Variants in AGBL4 observed in about 807,000 individuals in gnomAD.
The protein encoded by AGBL4 is AGBL carboxypeptidase 4, also known as cytosolic carboxypeptidase 6.
AGBL4 carries 58 observed loss-of-function variants against 66.4 expected under a neutral mutation model. That is an observed-to-expected ratio of 0.87 (90% CI 0.71 to 1.09). The LOEUF (loss-of-function observed/expected upper bound fraction) is 1.09. Among genes scored for constraint, AGBL4 ranks in the 50% least tolerant of loss-of-function variants. The pLI is 0.00. For missense variants in AGBL4, 579 were observed against 631.0 expected (o/e 0.92, Z 0.88); for synonymous variants, 234 against 222.9 (o/e 1.05, Z -0.44).
chr1:49,713,876 A>G (rs1208501440), intron 2 of AGBL4, among the ~76,000 whole-genome samples: 1 of 151,898 alleles, frequency 6.6e-6, no homozygotes, highest in Non-Finnish European at 1.5e-5. Context: ...GGGATCTCCT[A>G]CCTCAGCCTA....
intron 4 of AGBL4, among the ~76,000 whole-genome samples, chr1:49,157,874 T>C (rs1363605757): frequency 6.6e-6 from 1 of 152,252 alleles, no homozygotes; most frequent in Non-Finnish European, 1.5e-5. Flanking sequence ...TGCACGTATA[T>C]GTTCTTTTGA....
chr1:49,844,603 G>C, intron 2 of AGBL4: 1 of 1,318,434 alleles, frequency 7.6e-7, no homozygotes, highest in Non-Finnish European at 1.0e-6. Context: ...AAAATCATTA[G>C]TTTCATCCTT....
At chr1:48,957,287 A>T (rs760687633) in intron 5 of AGBL4, among the ~76,000 whole-genome samples, 4 of 152,204 alleles carry the variant, frequency 2.6e-5, no homozygotes, top group Non-Finnish European at 5.9e-5. Flanking sequence ...TATGCTTTAG[A>T]ACTTAGCTGT....
chr1:49,417,582 T>G (rs1037590611), intron 3 of AGBL4, among the ~76,000 whole-genome samples: 8 of 152,096 alleles, frequency 5.3e-5, no homozygotes, highest in Non-Finnish European at 8.8e-5. Flanking sequence ...AGAGATATAA[T>G]ATGGCATGGT....
At chr1:49,307,047 A>G (rs1644860482) in intron 3 of AGBL4, among the ~76,000 whole-genome samples, 1 of 152,216 alleles carries the variant, frequency 6.6e-6, no homozygotes, top group African/African-American at 2.4e-5. Context: ...CAAATCCACA[A>G]TTTGGAGTGT....
the AGBL4 span, among the ~76,000 whole-genome samples, chr1:48,526,595 G>A: frequency 6.6e-6 from 1 of 152,294 alleles, no homozygotes; most frequent in East Asian, 1.9e-4. Context: ...AGCAGCGGTA[G>A]TAGCATTAGA....
intron 11 of AGBL4, among the ~76,000 whole-genome samples, chr1:48,540,160 A>G (rs141857227): frequency 1.3e-5 from 2 of 152,290 alleles, no homozygotes; most frequent in East Asian, 3.9e-4. Context: ...TGTTGCATAT[A>G]GACAAGGGCC....
At chr1:49,780,947 T>C (rs1351035189) in intron 2 of AGBL4, among the ~76,000 whole-genome samples, 2 of 151,946 alleles carry the variant, frequency 1.3e-5, no homozygotes, top group African/African-American at 4.8e-5. Flanking sequence ...AACAACAACA[T>C]CCAACTAACT....
intron 2 of AGBL4, among the ~76,000 whole-genome samples, chr1:49,752,580 T>C (rs1651561979): frequency 6.6e-6 from 1 of 152,222 alleles, no homozygotes; most frequent in South Asian, 2.1e-4. Flanking sequence ...TAGACGTCTA[T>C]TGGGTCCACC....
chr1:49,387,945 T>C (rs1644768537), intron 3 of AGBL4, among the ~76,000 whole-genome samples: 1 of 152,040 alleles, frequency 6.6e-6, no homozygotes, highest in Admixed American at 6.6e-5. Context: ...GCCACTGTAG[T>C]CTTGGTCAAG....
At chr1:49,077,574 C>T (rs1006211928) in intron 4 of AGBL4, among the ~76,000 whole-genome samples, 7 of 152,106 alleles carry the variant, frequency 4.6e-5, no homozygotes, top group Non-Finnish European at 8.8e-5. Flanking sequence ...TGGCTTCTTA[C>T]TAACTTGTTA....
chr1:49,719,096 A>G (rs1648392643), intron 2 of AGBL4, among the ~76,000 whole-genome samples: 1 of 152,148 alleles, frequency 6.6e-6, no homozygotes, highest in Non-Finnish European at 1.5e-5. Flanking sequence ...GTGATTCTAT[A>G]AAAGAAGGAA....
intron 1 of AGBL4, among the ~76,000 whole-genome samples, chr1:49,910,388 G>A (rs1650695301): frequency 6.6e-6 from 1 of 152,190 alleles, no homozygotes; most frequent in Non-Finnish European, 1.5e-5. Flanking sequence ...ACCTTGACAA[G>A]AGCTTCAGTG....
At chr1:48,846,768 T>A (rs1345262211) in intron 6 of AGBL4, among the ~76,000 whole-genome samples, 1 of 152,170 alleles carries the variant, frequency 6.6e-6, no homozygotes, top group Non-Finnish European at 1.5e-5. Context: ...GGAAAGAGTT[T>A]ACTGATGTCA....
chr1:49,398,403 A>G (rs1348181946), intron 3 of AGBL4, among the ~76,000 whole-genome samples: 1 of 151,540 alleles, frequency 6.6e-6, no homozygotes, highest in African/African-American at 2.4e-5. Flanking sequence ...TCTAGGACTT[A>G]CAGCAGCATT....
chr1:49,456,356 T>C (rs1202996274), intron 3 of AGBL4, among the ~76,000 whole-genome samples: 1 of 151,730 alleles, frequency 6.6e-6, no homozygotes, highest in African/African-American at 2.4e-5. Context: ...TGAATCATTG[T>C]ATGCACGAAC....
At chr1:49,910,937 C>G (rs1182797873) in intron 1 of AGBL4, among the ~76,000 whole-genome samples, 1 of 152,228 alleles carries the variant, frequency 6.6e-6, no homozygotes, top group Non-Finnish European at 1.5e-5. Flanking sequence ...GATCATGCCA[C>G]TTCCCTCCAG....
intron 11 of AGBL4, among the ~76,000 whole-genome samples, chr1:48,547,822 A>G (rs1644188889): frequency 1.3e-5 from 2 of 152,118 alleles, no homozygotes; most frequent in South Asian, 4.1e-4. Context: ...AGTGCACACA[A>G]GTGGGAATCA....
intron 4 of AGBL4, among the ~76,000 whole-genome samples, chr1:49,170,973 T>C (rs1323755710): frequency 6.6e-6 from 1 of 152,184 alleles, no homozygotes; most frequent in Non-Finnish European, 1.5e-5. Flanking sequence ...TTAATGTCCG[T>C]ATGGCTTCAG....
Sources: allele counts gnomAD v4.1 joint callset (sites outside exome capture counted in the v4.1 genomes callset), GRCh38; gene constraint gnomAD v4.1.1; transcripts MANE v1.5; gene names NCBI Gene and HGNC (gene_info 2026-07-23, HGNC 2026-07-21).